The following PRMT8 variants were observed in gnomAD, a reference collection of about 807,000 sequenced individuals.
PRMT8 encodes the protein protein arginine methyltransferase 8, also known as protein arginine N-methyltransferase 8.
A neutral mutation model predicts 47.1 loss-of-function variants in PRMT8; 7 were observed. The ratio of observed to expected loss-of-function variants is 0.15; its 90% CI spans 0.08 to 0.28. PRMT8 has a LOEUF of 0.28. Ranked by LOEUF, PRMT8 falls within the 10% of genes least tolerant of loss-of-function variation. The probability of loss-of-function intolerance (pLI) is 1.00; values close to 1 mark genes in which losing one functional copy is unlikely to be tolerated. For missense variants in PRMT8, 237 were observed against 505.4 expected (o/e 0.47, Z 5.09); for synonymous variants, 188 against 186.5 (o/e 1.01, Z -0.07).
In PRMT8 at chr12:3,583,741, G is replaced by A. The variant is rs977702574; in HGVS notation, c.979+533G>A. Among the ~76,000 whole-genome samples, 2 of 152,222 alleles carry A rather than the reference G, an allele frequency of 1.3e-5. No individual in the cohort carries two copies. The highest frequency in any genetic ancestry group is 4.8e-5 in the African/African-American group (2 of 41,522). ...ACTCCCACTCCCAAATCCCAGCCCC[G>A]CTTACGAGGTGCCTCGCTGCCTGCA... On this transcript the variant is annotated intron_variant, in intron 8 of 9. Coordinates refer to ENST00000382622, the MANE Select transcript of PRMT8 (RefSeq NM_019854.5). The surrounding 1 kb of genome is among the most constrained non-coding windows in gnomAD (Gnocchi z 4.7).
intron 1 of PRMT8, among the ~76,000 whole-genome samples, chr12:3,506,693 G>A (rs1253761772): frequency 6.6e-6 from 1 of 152,120 alleles, no homozygotes; most frequent in Admixed American, 6.5e-5. Flanking sequence ...GGGAATGGGG[G>A]CACGGAAGAG....
At chr12:3,471,835 C>G (rs1475287433) in intron 1 of PRMT8, among the ~76,000 whole-genome samples, 1 of 151,840 alleles carries the variant, frequency 6.6e-6, no homozygotes, top group Non-Finnish European at 1.5e-5. Flanking sequence ...GAATCAGCTG[C>G]AGCTGGGATG....
chr12:3,496,756 A>G (rs1208540204), intron 1 of PRMT8, among the ~76,000 whole-genome samples: 1 of 152,068 alleles, frequency 6.6e-6, no homozygotes, highest in African/African-American at 2.4e-5. Context: ...AGCTTTTAGG[A>G]GTCTTGCCAA....
chr12:3,478,486 G>A (rs1229759130), intron 1 of PRMT8, among the ~76,000 whole-genome samples: 1 of 152,182 alleles, frequency 6.6e-6, no homozygotes, highest in Non-Finnish European at 1.5e-5. Flanking sequence ...TAGTAAGGGT[G>A]AATTGCAGAA....
In PRMT8 at chr12:3,436,994, C is replaced by T. The variant is rs1864750339; in HGVS notation, c.48+55552C>T. Reference sequence around the variant, plus strand: ...CACCTTCTACTGTGTCCAAAGTACACAAAATAAGGGTCCTCTTTTACCTTT... The same window carrying T: ...CACCTTCTACTGTGTCCAAAGTACATAAAATAAGGGTCCTCTTTTACCTTT... On this transcript the variant is annotated intron_variant, in intron 1 of 9. Coordinates refer to the PRMT8 transcript ENST00000452611. The surrounding 1 kb of genome is among the most constrained non-coding windows in gnomAD (Gnocchi z 4.2). Among the ~76,000 whole-genome samples the T allele has an allele frequency of 4.6e-5, 7 of 152,310 alleles. No homozygotes were observed. In the South Asian group the frequency reaches 1.5e-3, roughly 32 times the overall value.
chr12:3,572,125 T>G lies in PRMT8; in HGVS notation c.712+2561T>G, dbSNP rs144644150. On this transcript the variant is annotated intron_variant, in intron 6 of 9. Transcript: ENST00000382622. This position sits in a 1 kb window ranked among gnomAD's most constrained non-coding sequence, Gnocchi z 5.9. The stretch of plus-strand genomic sequence containing the variant: ...TCAACCACACACAGCAACATGGGAG[T>G]GCAAGAATGAGGTCAGTGCAGAACC... Among the ~76,000 whole-genome samples, 31 of 152,026 alleles carry G rather than the reference T, an allele frequency of 2.0e-4. No homozygotes were observed. The highest frequency in any genetic ancestry group is 7.2e-4 in the African/African-American group (30 of 41,438).
intron 1 of PRMT8, 120 bp downstream of exon 1, chr12:3,491,820 G>A: frequency 1.7e-6 from 2 of 1,181,214 alleles, no homozygotes; most frequent in Non-Finnish European, 1.1e-6. Flanking sequence ...GCTCGCTTCT[G>A]CCGGCCTCCT....
chr12:3,402,579 A>G (rs1192468092), intron 1 of PRMT8, among the ~76,000 whole-genome samples: 1 of 152,262 alleles, frequency 6.6e-6, no homozygotes, highest in East Asian at 1.9e-4. Context: ...CCATCTGACA[A>G]AGGTCTAATA....
chr12:3,473,888 G>A (rs1565416677), intron 1 of PRMT8, among the ~76,000 whole-genome samples: 1 of 152,082 alleles, frequency 6.6e-6, no homozygotes, highest in Non-Finnish European at 1.5e-5. Flanking sequence ...CCCCATCCTT[G>A]TGTCATTGTC....
chr12:3,577,015 G>A (rs764056504), intron 7 of PRMT8, 29 bp downstream of exon 7: 4 of 1,591,120 alleles, frequency 2.5e-6, no homozygotes, highest in Admixed American at 1.7e-5. Flanking sequence ...GGTGGACCTG[G>A]GTGTGCTGGG....
In PRMT8 at chr12:3,552,726, G is replaced by A. The variant is rs753838907; in HGVS notation, c.418-925G>A. The A allele has an allele frequency of 2.7e-5, 13 of 476,022 alleles. No individual in the cohort carries two copies. The highest frequency in any genetic ancestry group is 1.3e-4 in the Admixed American group (6 of 45,962). 29.5% of individuals were successfully genotyped at this position (476,022 alleles called of 1,614,324 possible). On this transcript the variant is annotated intron_variant, in intron 3 of 9. Coordinates refer to ENST00000382622, the MANE Select transcript of PRMT8 (RefSeq NM_019854.5). The surrounding 1 kb of genome is among the most constrained non-coding windows in gnomAD (Gnocchi z 4.5). ...AGGTGCCCTCACCCTTCCTCAAGGC[G>A]TGGCCAGAGGCGTCAGAAACTCCCT...
intron 1 of PRMT8, among the ~76,000 whole-genome samples, chr12:3,422,732 G>T (rs768811125): frequency 1.3e-5 from 2 of 152,220 alleles, no homozygotes; most frequent in Admixed American, 6.5e-5. Context: ...GGCCCAGGGC[G>T]CAGTGCTGGG....
Position 3,491,614 on chromosome 12 carries a change from T to G in PRMT8, c.-12T>G, listed in dbSNP as rs772040541. The G allele has an allele frequency of 4.3e-6, 7 of 1,611,906 alleles. No individual in the cohort carries two copies. The highest frequency in any genetic ancestry group is 5.9e-6 in the Non-Finnish European group (7 of 1,179,478). ...CTACTATCTCGGTATCACCAAACCC[T>G]TGCCGGCTCTTATGGGCATGAAACA... On this transcript the variant is annotated 5_prime_UTR_variant, in exon 1 of 10. Coordinates refer to ENST00000382622, the MANE Select transcript of PRMT8 (RefSeq NM_019854.5).
At chr12:3,415,759 C>T (rs917271264) in intron 1 of PRMT8, among the ~76,000 whole-genome samples, 3 of 152,202 alleles carry the variant, frequency 2.0e-5, no homozygotes, top group Non-Finnish European at 4.4e-5. Flanking sequence ...TCTCCAAACC[C>T]CTCACTGTCG....
intron 8 of PRMT8, among the ~76,000 whole-genome samples, chr12:3,584,944 G>A (rs976272676): frequency 1.3e-5 from 2 of 152,004 alleles, no homozygotes; most frequent in Non-Finnish European, 2.9e-5. Context: ...ATTTAACAAC[G>A]TTATCTTGGT....
upstream of PRMT8, among the ~76,000 whole-genome samples, chr12:3,490,705 GA>G: frequency 6.8e-6 from 1 of 146,484 alleles, no homozygotes; most frequent in Non-Finnish European, 1.5e-5. Flanking sequence ...GAGAGAGAGA[GA>G]GAGAGAGAGA....
chr12:3,452,510 T>C (rs930854300), intron 1 of PRMT8, among the ~76,000 whole-genome samples: 1 of 152,188 alleles, frequency 6.6e-6, no homozygotes, highest in African/African-American at 2.4e-5. Context: ...GAAGCTGCCC[T>C]GGGCTGGGGG....
intron 1 of PRMT8, among the ~76,000 whole-genome samples, chr12:3,400,855 T>C (rs1028751341): frequency 2.6e-5 from 4 of 152,116 alleles, no homozygotes; most frequent in Admixed American, 1.3e-4. Flanking sequence ...TGGTTCAAGA[T>C]AGGCAAATTG....
intron 1 of PRMT8, among the ~76,000 whole-genome samples, chr12:3,382,692 T>C (rs1864103702): frequency 6.6e-6 from 1 of 152,238 alleles, no homozygotes; most frequent in Non-Finnish European, 1.5e-5. Flanking sequence ...TAACAGGATT[T>C]CTCACAGAAC....
Sources: gnomAD v4.1 joint callset for allele counts (sites outside exome capture counted in the v4.1 genomes callset) on GRCh38, gnomAD v4.1.1 for gene constraint, Gnocchi (gnomAD v3.1) non-coding constraint, MANE v1.5 for transcripts, NCBI Gene and HGNC (gene_info 2026-07-23, HGNC 2026-07-21) for gene names.